Variants in OLA1 observed in about 807,000 individuals in gnomAD.
OLA1 encodes the protein obg-like ATPase 1.
OLA1 carries 14 observed loss-of-function variants against 48.4 expected under a neutral mutation model. The observed-to-expected ratio is 0.29, with a 90% CI of 0.19 to 0.45. OLA1 has a LOEUF of 0.45. OLA1 is among the 20% of genes least tolerant of loss of function. The pLI is 1.00. For synonymous variants in OLA1, 127 were observed against 150.4 expected (o/e 0.84, Z 1.14); for missense variants, 325 against 467.1 (o/e 0.70, Z 2.80).
intron 4 of OLA1, among the ~76,000 whole-genome samples, chr2:174,147,884 TG>T (rs1686648754): frequency 6.6e-6 from 1 of 152,132 alleles, no homozygotes; most frequent in Non-Finnish European, 1.5e-5. Flanking sequence ...AGTGTAGTGG[TG>T]GGATCTCAGC....
At chr2:174,095,069 T>G (rs1574477845) in intron 7 of OLA1, among the ~76,000 whole-genome samples, 1 of 152,356 alleles carries the variant, frequency 6.6e-6, no homozygotes, top group East Asian at 1.9e-4. Flanking sequence ...ATATTTGGGT[T>G]GCTTCTATCG....
chr2:174,087,351 C>T (rs1340231296), intron 7 of OLA1, among the ~76,000 whole-genome samples: 3 of 152,060 alleles, frequency 2.0e-5, no homozygotes, highest in African/African-American at 7.2e-5. Context: ...AAAACTACCA[C>T]ACCATCATCA....
intron 4 of OLA1, among the ~76,000 whole-genome samples, chr2:174,213,745 C>A (rs1688299036): frequency 6.6e-6 from 1 of 152,040 alleles, no homozygotes. Context: ...TGTATTTAAT[C>A]TTTGGCAGGC....
intron 7 of OLA1, among the ~76,000 whole-genome samples, chr2:174,114,690 T>C (rs1240966020): frequency 6.6e-6 from 1 of 152,194 alleles, no homozygotes; most frequent in East Asian, 1.9e-4. Flanking sequence ...TACTGATGAC[T>C]ACCCCTTGAT....
intron 4 of OLA1, among the ~76,000 whole-genome samples, chr2:174,189,714 T>C (rs865966077): frequency 6.6e-6 from 1 of 152,142 alleles, no homozygotes; most frequent in Non-Finnish European, 1.5e-5. Context: ...AATGGGAAAC[T>C]TGAATATCTA....
chr2:174,192,836 C>T (rs10930650), intron 4 of OLA1, among the ~76,000 whole-genome samples: 20,421 of 152,108 alleles, frequency 0.13, 1,809 homozygotes, highest in Non-Finnish European at 0.2. Context: ...TCCATAGTTT[C>T]GAAAAGTCAG....
chr2:174,123,485 G>C (rs1218579141), intron 6 of OLA1, 110 bp downstream of exon 6: 2 of 695,658 alleles, frequency 2.9e-6, no homozygotes, highest in African/African-American at 3.7e-5. Context: ...ATCACTGACA[G>C]AAATAAAAAT....
chr2:174,236,634 C>T (rs939916186), intron 2 of OLA1, among the ~76,000 whole-genome samples: 1 of 152,036 alleles, frequency 6.6e-6, no homozygotes, highest in African/African-American at 2.4e-5. Flanking sequence ...CATCATCGTG[C>T]GAACATTACA....
Position 174,115,566 on chromosome 2 carries a change from C to T in OLA1, c.728+7614G>A, listed in dbSNP as rs1002171469. ...GTATGTACTTAAATAAAAACATATA[C>T]GTTTTTTCAAGTGGTTGTCTTCACA... On this transcript the variant is annotated intron_variant, in intron 7 of 10. Transcript: ENST00000284719. Among the ~76,000 whole-genome samples the T allele has an allele frequency of 3.9e-5, 6 of 152,068 alleles. 1 individual carries two copies. The highest frequency in any genetic ancestry group is 4.1e-4 in the South Asian group (2 of 4,836).
intron 4 of OLA1, among the ~76,000 whole-genome samples, chr2:174,196,023 A>G (rs1484842902): frequency 6.6e-6 from 1 of 152,172 alleles, no homozygotes; most frequent in Non-Finnish European, 1.5e-5. Context: ...ATTAAAGGAA[A>G]AAAACTCAAT....
At chr2:174,096,974 G>A (rs1231622429) in intron 7 of OLA1, among the ~76,000 whole-genome samples, 3 of 152,134 alleles carry the variant, frequency 2.0e-5, no homozygotes. Flanking sequence ...TGGCCAACAT[G>A]GCGAAACCCC....
intron 4 of OLA1, among the ~76,000 whole-genome samples, chr2:174,205,920 C>T (rs1009454674): frequency 6.6e-5 from 10 of 152,154 alleles, no homozygotes; most frequent in African/African-American, 1.7e-4. Context: ...GCCTTAGAGC[C>T]CTATAGCCCT....
chr2:174,166,303 A>C (rs1261660684), intron 4 of OLA1, among the ~76,000 whole-genome samples: 1 of 152,204 alleles, frequency 6.6e-6, no homozygotes, highest in Non-Finnish European at 1.5e-5. Context: ...CCTGCAGAGG[A>C]AGAAAATATG....
At chr2:174,081,080 A>G in intron 9 of OLA1, 72 bp downstream of exon 9, 1 of 1,303,894 alleles carries the variant, frequency 7.7e-7, no homozygotes, top group Non-Finnish European at 1.1e-6. Flanking sequence ...GACAAACTTC[A>G]AAGTCAGTGA....
chr2:174,087,184 AC>A (rs1685001275), intron 7 of OLA1, among the ~76,000 whole-genome samples: 1 of 151,512 alleles, frequency 6.6e-6, no homozygotes, highest in South Asian at 2.1e-4. Context: ...CCGCCACCAC[AC>A]CCAGACAATT....
chr2:174,214,915 TG>T (rs1688328314), intron 4 of OLA1, among the ~76,000 whole-genome samples: 1 of 151,842 alleles, frequency 6.6e-6, no homozygotes, highest in Admixed American at 6.6e-5. Context: ...CTAGGCATGG[TG>T]GCAGGTGACT....
chr2:174,215,726 G>A (rs1178650713), intron 4 of OLA1, among the ~76,000 whole-genome samples: 1 of 151,998 alleles, frequency 6.6e-6, no homozygotes, highest in Non-Finnish European at 1.5e-5. Flanking sequence ...ACATTTAAGG[G>A]AAATGTAAAT....
At chr2:174,089,864 C>T (rs922312181) in intron 7 of OLA1, among the ~76,000 whole-genome samples, 77 of 149,006 alleles carry the variant, frequency 5.2e-4, no homozygotes, top group African/African-American at 1.7e-3. Context: ...ATCATGCTAC[C>T]GCACTCTAGC....
Position 174,081,268 on chromosome 2 carries a change from A to C in OLA1, c.870-20T>G. 1 of 1,581,976 alleles carries C rather than the reference A, an allele frequency of 6.3e-7. No homozygotes were observed. Among genetic ancestry groups the C allele is most frequent in the Non-Finnish European group, 8.7e-7 (1 of 1,153,106 alleles). ...AAAGCACTGAAATCAAATGAAACAAATTCACCCAACACATAAGTTGATTGT... is the reference window on the plus strand; with the variant it reads ...AAAGCACTGAAATCAAATGAAACAACTTCACCCAACACATAAGTTGATTGT... On this transcript the variant is annotated intron_variant, in intron 8 of 10. Coordinates refer to ENST00000284719, the MANE Select transcript of OLA1 (RefSeq NM_013341.5).
Sources: allele counts gnomAD v4.1 joint callset (sites outside exome capture counted in the v4.1 genomes callset), GRCh38; gene constraint gnomAD v4.1.1; transcripts MANE v1.5; gene names NCBI Gene and HGNC (gene_info 2026-07-23, HGNC 2026-07-21).